The following PIR variants were observed in gnomAD, a reference collection of about 807,000 sequenced individuals.
PIR encodes pirin (iron-binding nuclear protein).
PIR carries 22 observed loss-of-function variants against 24.2 expected under a neutral mutation model. The ratio of observed to expected loss-of-function variants is 0.91; its 90% CI spans 0.65 to 1.30. PIR has a LOEUF of 1.30. PIR is among the 50% of genes most tolerant of loss of function. The pLI is 0.00. For synonymous variants in PIR, 80 were observed against 79.6 expected (o/e 1.00, Z -0.03); for missense variants, 220 against 220.3 (o/e 1.00, Z 0.01).
chrX:15,491,158 A>G lies in PIR; in HGVS notation c.96+4T>C, dbSNP rs1279981724. ...AACAAGGAGCAGCCACCCAACTAGC[A>G]TACCTCGGGTCTGCCAATGCTTCTC... On this transcript the variant is annotated splice_donor_region_variant and intron_variant, in intron 2 of 9. Coordinates refer to ENST00000380420, the MANE Select transcript of PIR (RefSeq NM_001018109.3). 1 of 1,168,380 alleles carries G rather than the reference A, an allele frequency of 8.6e-7. No homozygotes were observed. The highest frequency in any genetic ancestry group is 1.2e-6 in the Non-Finnish European group (1 of 857,437).
intron 5 of PIR, among the ~76,000 whole-genome samples, chrX:15,442,018 C>T (rs1569203335): frequency 9.0e-6 from 1 of 110,930 alleles, no homozygotes; most frequent in East Asian, 2.8e-4. Flanking sequence ...GAAAGACGTA[C>T]AGGCATACCT....
At chrX:15,460,058 T>G (rs1921239532) in intron 3 of PIR, among the ~76,000 whole-genome samples, 1 of 111,827 alleles carries the variant, frequency 8.9e-6, no homozygotes, top group South Asian at 3.8e-4. Flanking sequence ...ATCTCACATC[T>G]GTTAGGACAG....
At position 15,438,865 on chromosome X, in the gene PIR, A is replaced by G. The variant is rs755042493; in HGVS notation, c.481-12875T>C. ...CTTGGATACAGATCCAAGCCATAGA[A>G]TGGGACATGTGGCCTATTCAGAGGC... is the stretch of plus-strand genomic sequence containing the variant. On this transcript the variant is annotated intron_variant, in intron 5 of 9. Transcript: ENST00000380420. Among the ~76,000 whole-genome samples the G allele has an allele frequency of 3.6e-5, 4 of 111,437 alleles. No homozygotes were observed. The South Asian group carries it at 1.5e-3, about 43-fold the overall frequency.
chrX:15,434,382 A>G (rs766548451), intron 5 of PIR, among the ~76,000 whole-genome samples: 78 of 105,639 alleles, frequency 7.4e-4, no homozygotes, highest in South Asian at 2.9e-3. Context: ...GAGAAAAAAG[A>G]AGGAGGAGAA....
At chrX:15,469,854 A>G (rs928924732) in intron 3 of PIR, among the ~76,000 whole-genome samples, 17 of 111,577 alleles carry the variant, frequency 1.5e-4, no homozygotes, top group African/African-American at 3.6e-4. Context: ...AGGACAAGTG[A>G]GAGCACTATT....
chrX:15,420,182 G>A (rs1463318775), intron 6 of PIR, among the ~76,000 whole-genome samples: 1 of 111,841 alleles, frequency 8.9e-6, no homozygotes, highest in Non-Finnish European at 1.9e-5. Flanking sequence ...GGGCGACAGA[G>A]CAAGACTTCA....
At chrX:15,448,967 G>A (rs953186483) in intron 5 of PIR, among the ~76,000 whole-genome samples, 4 of 112,107 alleles carry the variant, frequency 3.6e-5, no homozygotes, top group African/African-American at 1.3e-4. Context: ...TATTCACATT[G>A]TATCTCCAGG....
intron 5 of PIR, among the ~76,000 whole-genome samples, chrX:15,440,920 C>A (rs979706178): frequency 1.8e-5 from 2 of 111,747 alleles, no homozygotes; most frequent in African/African-American, 3.3e-5. Flanking sequence ...GCAAGTACAT[C>A]AATTTTCTAC....
At chrX:15,427,279 TG>T (rs1021899318) in intron 5 of PIR, among the ~76,000 whole-genome samples, 1 of 111,705 alleles carries the variant, frequency 9.0e-6, no homozygotes, top group African/African-American at 3.3e-5. Flanking sequence ...TTTCTTAACC[TG>T]GCTGCTGCTT....
At chrX:15,428,751 T>C (rs1602262886) in intron 5 of PIR, among the ~76,000 whole-genome samples, 1 of 111,727 alleles carries the variant, frequency 9.0e-6, no homozygotes, top group African/African-American at 3.3e-5. Flanking sequence ...TCAAGCCATC[T>C]GCCCGCCTCG....
At chrX:15,438,812 G>A (rs1403346949) in intron 5 of PIR, among the ~76,000 whole-genome samples, 14 of 111,300 alleles carry the variant, frequency 1.3e-4, no homozygotes, top group Non-Finnish European at 3.8e-5. Flanking sequence ...GACCTACGGA[G>A]GCTCTGGATC....
At chrX:15,461,640 G>A (rs930895682) in intron 3 of PIR, among the ~76,000 whole-genome samples, 8 of 111,101 alleles carry the variant, frequency 7.2e-5, no homozygotes, top group African/African-American at 1.6e-4. Flanking sequence ...AAAATTAGCC[G>A]GGTGTGGTGG....
chrX:15,427,721 T>C lies in PIR; in HGVS notation c.481-1731A>G, dbSNP rs867812963. 9.3e-5 allele frequency among the ~76,000 whole-genome samples: 10 copies of C among 107,460 alleles called. No homozygotes were observed. The South Asian group carries it at 1.2e-3, about 13-fold the overall frequency. The allele number at this position is 107,460 out of a possible 115,157, so 93.3% of individuals were successfully genotyped here. On this transcript the variant is annotated intron_variant, in intron 5 of 9. Transcript: ENST00000380420. ...ACACACACACACACACACACACACA[T>C]ATATATACCGTCAATAACTGTATTA... is the stretch of plus-strand genomic sequence containing the variant.
rs58508338 is a variant in PIR, at chrX:15,416,596, T to C, written c.566-9046A>G. ...CGTCTGCCTGATCCTGCCTCCCGTATTGCCCTATATAATTCCCTCTCTCTG... is the reference window on the plus strand; with the variant it reads ...CGTCTGCCTGATCCTGCCTCCCGTACTGCCCTATATAATTCCCTCTCTCTG... On this transcript the variant is annotated intron_variant, in intron 6 of 9. Coordinates refer to ENST00000380420, the MANE Select transcript of PIR (RefSeq NM_001018109.3). 3.6e-3 allele frequency among the ~76,000 whole-genome samples: 407 copies of C among 111,786 alleles called. 1 individual carries two copies. Among genetic ancestry groups the C allele is most frequent in the African/African-American group, 0.013 (388 of 30,803 alleles).
At chrX:15,442,447 T>C (rs1203564386) in intron 5 of PIR, among the ~76,000 whole-genome samples, 1 of 111,015 alleles carries the variant, frequency 9.0e-6, no homozygotes, top group Admixed American at 9.6e-5. Context: ...CCTCGATGTG[T>C]TCAGGAGAAA....
At chrX:15,485,282 G>A (rs1922749812) in intron 2 of PIR, among the ~76,000 whole-genome samples, 1 of 111,991 alleles carries the variant, frequency 8.9e-6, no homozygotes, top group Admixed American at 9.4e-5. Flanking sequence ...GTCTGGTGAG[G>A]GTCCAACTTT....
At chrX:15,415,773 A>G (rs1924895087) in intron 6 of PIR, among the ~76,000 whole-genome samples, 1 of 111,702 alleles carries the variant, frequency 9.0e-6, no homozygotes. Flanking sequence ...TTTAAAAAAC[A>G]ATTAAAAAAA....
intron 6 of PIR, among the ~76,000 whole-genome samples, chrX:15,407,943 G>A (rs1924601960): frequency 1.9e-5 from 2 of 107,381 alleles, no homozygotes; most frequent in African/African-American, 3.4e-5. Context: ...TGTGCCTCCA[G>A]TGTGTCTGAA....
chrX:15,397,077 T>C (rs1387842255), intron 8 of PIR, among the ~76,000 whole-genome samples: 2 of 112,438 alleles, frequency 1.8e-5, no homozygotes, highest in Admixed American at 9.4e-5. Context: ...TATGTGAGTA[T>C]GCATGTAGAT....
Sources: allele counts gnomAD v4.1 joint callset (sites outside exome capture counted in the v4.1 genomes callset), GRCh38; gene constraint gnomAD v4.1.1; transcripts MANE v1.5; gene names NCBI Gene and HGNC (gene_info 2026-07-23, HGNC 2026-07-21).